The following CNTNAP2 variants were observed in gnomAD, a reference collection of about 807,000 sequenced individuals.
CNTNAP2 encodes contactin associated protein 2, also known as contactin-associated protein-like 2.
Under a neutral mutation model 155.2 loss-of-function variants are expected in CNTNAP2, and 98 were observed. The ratio of observed to expected loss-of-function variants is 0.63; its 90% CI spans 0.54 to 0.75. The LOEUF is 0.75. CNTNAP2 is among the 30% of genes least tolerant of loss of function. The pLI, the probability that CNTNAP2 is intolerant of heterozygous loss-of-function variation, is 0.00. For synonymous variants in CNTNAP2, 651 were observed against 631.2 expected, an observed-to-expected ratio of 1.03 and a Z score of -0.47; for missense variants, 1,727 against 1,688.1, an observed-to-expected ratio of 1.02 and a Z score of -0.40.
At chr7:147,283,066 C>T (rs1025189130) in intron 8 of CNTNAP2, among the ~76,000 whole-genome samples, 1 of 151,826 alleles carries the variant, frequency 6.6e-6, no homozygotes, top group Non-Finnish European at 1.5e-5. Context: ...ACATTAATGG[C>T]ATTGATAGCT....
intron 3 of CNTNAP2, among the ~76,000 whole-genome samples, chr7:146,873,631 G>C (rs773222583): frequency 6.6e-6 from 1 of 152,116 alleles, no homozygotes; most frequent in South Asian, 2.1e-4. Flanking sequence ...ATGAGGAATG[G>C]GGTGTATGAG....
At chr7:147,873,354 G>C (rs1347461106) in intron 13 of CNTNAP2, among the ~76,000 whole-genome samples, 2 of 152,132 alleles carry the variant, frequency 1.3e-5, no homozygotes, top group Non-Finnish European at 2.9e-5. Context: ...AAGGAAAGAG[G>C]TTTAATGGAC....
intron 4 of CNTNAP2, among the ~76,000 whole-genome samples, chr7:147,071,071 T>G (rs1024137883): frequency 2.0e-5 from 3 of 152,092 alleles, no homozygotes; most frequent in Admixed American, 6.6e-5. Flanking sequence ...TTGCTTGACT[T>G]CTTCCAGCTG....
intron 13 of CNTNAP2, among the ~76,000 whole-genome samples, chr7:147,810,690 C>T (rs1798165343): frequency 6.6e-6 from 1 of 152,182 alleles, no homozygotes; most frequent in African/African-American, 2.4e-5. Context: ...TCACTAAAAT[C>T]AAAAGTTGTT....
chr7:147,425,195 T>C (rs568816710), intron 10 of CNTNAP2, among the ~76,000 whole-genome samples: 1 of 133,560 alleles, frequency 7.5e-6, no homozygotes, highest in East Asian at 2.2e-4. Flanking sequence ...GCATGTTCAA[T>C]AGAAGTGTTT....
intron 11 of CNTNAP2, among the ~76,000 whole-genome samples, chr7:147,505,637 T>C (rs752297473): frequency 1.2e-4 from 18 of 152,222 alleles, no homozygotes; most frequent in Admixed American, 2.0e-4. Context: ...TCTGTTTTCT[T>C]AATTTTGCTT....
At chr7:147,498,363 A>G (rs1435306682) in intron 11 of CNTNAP2, among the ~76,000 whole-genome samples, 1 of 151,834 alleles carries the variant, frequency 6.6e-6, no homozygotes, top group African/African-American at 2.4e-5. Flanking sequence ...CTTATGACCT[A>G]TTTTCCGCTT....
intron 3 of CNTNAP2, among the ~76,000 whole-genome samples, chr7:146,995,605 T>C (rs947314955): frequency 9.2e-5 from 14 of 152,120 alleles, no homozygotes; most frequent in Non-Finnish European, 1.9e-4. Context: ...AACATTTTTA[T>C]ATGCCTGTTA....
intron 1 of CNTNAP2, among the ~76,000 whole-genome samples, chr7:146,672,354 A>G (rs904138036): frequency 1.3e-5 from 2 of 152,210 alleles, no homozygotes; most frequent in African/African-American, 4.8e-5. Context: ...GTAATTCTAC[A>G]TAGACAATCA....
chr7:146,666,286 G>A (rs2642496), intron 1 of CNTNAP2, among the ~76,000 whole-genome samples: 123,052 of 152,132 alleles, frequency 0.81, 50,371 homozygotes, highest in South Asian at 0.91. Flanking sequence ...ACTTAACATA[G>A]TATCTATTAG....
intron 1 of CNTNAP2, among the ~76,000 whole-genome samples, chr7:146,540,109 G>A (rs1797928934): frequency 1.3e-5 from 2 of 152,090 alleles, no homozygotes; most frequent in African/African-American, 4.8e-5. Flanking sequence ...GGTGAGCACA[G>A]TGTGGCAAGA....
intron 15 of CNTNAP2, among the ~76,000 whole-genome samples, chr7:148,101,139 G>T (rs1193234545): frequency 1.5e-5 from 2 of 131,266 alleles, no homozygotes; most frequent in Non-Finnish European, 3.3e-5. Flanking sequence ...GTTGTGGGGT[G>T]GGGGGAGGGG....
intron 15 of CNTNAP2, among the ~76,000 whole-genome samples, chr7:148,102,295 G>C (rs565856806): frequency 4.2e-4 from 64 of 152,274 alleles, no homozygotes; most frequent in African/African-American, 1.5e-3. Flanking sequence ...TCCCTCAAAA[G>C]ACATGATCTC....
At chr7:146,758,600 G>T (rs573667925) in intron 1 of CNTNAP2, among the ~76,000 whole-genome samples, 1 of 152,268 alleles carries the variant, frequency 6.6e-6, no homozygotes, top group Admixed American at 6.5e-5. Flanking sequence ...ATGGTGGCAG[G>T]CAAGAGAAGA....
At chr7:147,624,787 G>A (rs745692921) in intron 12 of CNTNAP2, among the ~76,000 whole-genome samples, 1 of 152,026 alleles carries the variant, frequency 6.6e-6, no homozygotes, top group Non-Finnish European at 1.5e-5. Flanking sequence ...ATCAGTATAC[G>A]GAAGAAATAT....
intron 12 of CNTNAP2, among the ~76,000 whole-genome samples, chr7:147,613,516 G>A (rs1278566070): frequency 2.0e-5 from 3 of 152,168 alleles, no homozygotes; most frequent in Admixed American, 1.3e-4. Context: ...TCTCCCATTA[G>A]AGTGCTTTTC....
intron 1 of CNTNAP2, among the ~76,000 whole-genome samples, chr7:146,706,107 T>A (rs1399059311): frequency 1.3e-5 from 2 of 150,620 alleles, no homozygotes; most frequent in Non-Finnish European, 2.9e-5. Flanking sequence ...CCCCTACCAG[T>A]CATGACAATA....
At chr7:146,153,320 A>G (rs185390851) in intron 1 of CNTNAP2, among the ~76,000 whole-genome samples, 1 of 152,290 alleles carries the variant, frequency 6.6e-6, no homozygotes, top group African/African-American at 2.4e-5. Context: ...AGTACACAGG[A>G]GAGCTTTTTA....
intron 3 of CNTNAP2, among the ~76,000 whole-genome samples, chr7:146,875,369 A>G (rs976930331): frequency 5.3e-5 from 8 of 152,186 alleles, no homozygotes; most frequent in Non-Finnish European, 1.2e-4. Context: ...TAAACTTTAC[A>G]CAAGCTGCTG....
Sources: gnomAD v4.1 joint callset for allele counts (sites outside exome capture counted in the v4.1 genomes callset) on GRCh38, gnomAD v4.1.1 for gene constraint, MANE v1.5 for transcripts, NCBI Gene and HGNC (gene_info 2026-07-23, HGNC 2026-07-21) for gene names.